PPP1R9A: variants seen among roughly 807,000 people sequenced by gnomAD.
The protein encoded by PPP1R9A is protein phosphatase 1 regulatory subunit 9A, also known as neurabin-1.
In PPP1R9A, 59 loss-of-function variants were observed where a neutral mutation model predicts 141.9. The observed-to-expected ratio is 0.42, with a 90% CI of 0.34 to 0.52. The LOEUF is 0.52. PPP1R9A is among the 20% of genes least tolerant of loss of function. The probability of loss-of-function intolerance (pLI) is 0.10; values close to 1 mark genes in which losing one functional copy is unlikely to be tolerated. For missense variants in PPP1R9A, 1,444 were observed against 1,611.9 expected, an observed-to-expected ratio of 0.90 and a Z score of 1.78; for synonymous variants, 500 against 569.7, an observed-to-expected ratio of 0.88 and a Z score of 1.74.
In PPP1R9A at chr7:95,084,021, A is replaced by T. The variant is rs541502820; in HGVS notation, c.1396-27238A>T. Among the ~76,000 whole-genome samples the T allele has an allele frequency of 2.6e-5, 4 of 152,210 alleles. No homozygotes were observed. In the South Asian group the frequency reaches 8.3e-4, roughly 32 times the overall value. ...AAATAAAGACGACAGCAGATTTCTT[A>T]TCAGGAATATTGTATGCTAGAAAAC... On this transcript the variant is annotated intron_variant, in intron 2 of 19. Coordinates refer to ENST00000433360, the MANE Select transcript of PPP1R9A (RefSeq NM_001166160.2).
chr7:94,986,074 T>C (rs1323581060), intron 2 of PPP1R9A, among the ~76,000 whole-genome samples: 2 of 152,128 alleles, frequency 1.3e-5, no homozygotes, highest in Non-Finnish European at 2.9e-5. Context: ...ATTTTGATGG[T>C]TGGGGAAAGT....
intron 2 of PPP1R9A, among the ~76,000 whole-genome samples, chr7:94,955,533 C>T (rs1796991253): frequency 6.6e-6 from 1 of 151,924 alleles, no homozygotes; most frequent in East Asian, 1.9e-4. Flanking sequence ...CTGTTCTGTT[C>T]TAAAAAAATG....
intron 16 of PPP1R9A, among the ~76,000 whole-genome samples, chr7:95,275,555 GT>G (rs1803015389): frequency 6.6e-6 from 1 of 151,396 alleles, no homozygotes; most frequent in Admixed American, 6.6e-5. Context: ...CTGTGTAGAT[GT>G]TTTTCCAACA....
At chr7:95,150,527 A>G (rs1396728057) in intron 4 of PPP1R9A, among the ~76,000 whole-genome samples, 1 of 151,772 alleles carries the variant, frequency 6.6e-6, no homozygotes, top group Non-Finnish European at 1.5e-5. Flanking sequence ...CTGATCTCGA[A>G]CTCCTGACCT....
At chr7:94,941,345 T>C (rs185145644) in intron 2 of PPP1R9A, among the ~76,000 whole-genome samples, 5 of 152,228 alleles carry the variant, frequency 3.3e-5, no homozygotes, top group South Asian at 2.1e-4. Context: ...CAGTAAGATA[T>C]GGAATTGTAT....
At chr7:95,012,595 T>A (rs1563118945) in intron 2 of PPP1R9A, among the ~76,000 whole-genome samples, 1 of 152,170 alleles carries the variant, frequency 6.6e-6, no homozygotes, top group Non-Finnish European at 1.5e-5. Context: ...AATAATTGGA[T>A]ATCCGTAAGA....
chr7:95,184,641 C>T (rs985113929), intron 5 of PPP1R9A, among the ~76,000 whole-genome samples: 2 of 152,102 alleles, frequency 1.3e-5, no homozygotes, highest in African/African-American at 4.8e-5. Context: ...TCCCAAGTCC[C>T]CATAGTCCCT....
Position 94,941,844 on chromosome 7 carries a change from AT to A in PPP1R9A, c.1395+30337del, listed in dbSNP as rs1409805261. The stretch of plus-strand genomic sequence containing the variant: ...AAATAGACAAGAGAATGAAAAAAAA[AT>A]CATTGAATTTTTAGAGAAACAATGT... On this transcript the variant is annotated intron_variant, in intron 2 of 19. Coordinates refer to ENST00000433360, the MANE Select transcript of PPP1R9A (RefSeq NM_001166160.2). Among the ~76,000 whole-genome samples the A allele has an allele frequency of 2.0e-5, 3 of 152,276 alleles. No individual in the cohort carries two copies. In the South Asian group the frequency reaches 6.2e-4, roughly 32 times the overall value.
intron 2 of PPP1R9A, among the ~76,000 whole-genome samples, chr7:94,993,440 G>T (rs1165813024): frequency 2.0e-5 from 3 of 152,132 alleles, no homozygotes; most frequent in Non-Finnish European, 2.9e-5. Flanking sequence ...AAAAGAGCCT[G>T]CTGGTATTTT....
intron 5 of PPP1R9A, among the ~76,000 whole-genome samples, chr7:95,182,561 A>G (rs952247073): frequency 6.6e-6 from 1 of 152,184 alleles, no homozygotes; most frequent in Non-Finnish European, 1.5e-5. Flanking sequence ...ACAAGGGGCA[A>G]TTGAGAATTT....
intron 5 of PPP1R9A, among the ~76,000 whole-genome samples, chr7:95,192,135 G>A (rs1835596436): frequency 6.6e-6 from 1 of 151,772 alleles, no homozygotes; most frequent in African/African-American, 2.4e-5. Context: ...TTTTCCTATG[G>A]TTGACTCATA....
At chr7:95,204,711 ACACACCACACT>A (rs1250777463) in intron 7 of PPP1R9A, among the ~76,000 whole-genome samples, 2 of 141,662 alleles carry the variant, frequency 1.4e-5, no homozygotes, top group African/African-American at 2.7e-5. Flanking sequence ...CACCACACAC[ACACACCACACT>A]CACACCACAC....
At chr7:95,166,006 A>T (rs1434913589) in intron 5 of PPP1R9A, among the ~76,000 whole-genome samples, 1 of 151,960 alleles carries the variant, frequency 6.6e-6, no homozygotes, top group Non-Finnish European at 1.5e-5. Flanking sequence ...AAAATTAGCC[A>T]GGTGTGGTGG....
intron 2 of PPP1R9A, among the ~76,000 whole-genome samples, chr7:94,967,446 G>A (rs998033389): frequency 6.6e-6 from 1 of 151,884 alleles, no homozygotes; most frequent in Non-Finnish European, 1.5e-5. Flanking sequence ...TTCTCTTGTG[G>A]GCATTTAGTG....
chr7:95,196,423 T>C (rs1164765877), intron 5 of PPP1R9A, among the ~76,000 whole-genome samples: 1 of 152,230 alleles, frequency 6.6e-6, no homozygotes, highest in Admixed American at 6.5e-5. Context: ...ACAATTTCTT[T>C]ATAAGTTAAT....
At chr7:94,967,648 TG>T (rs1798365142) in intron 2 of PPP1R9A, among the ~76,000 whole-genome samples, 1 of 152,036 alleles carries the variant, frequency 6.6e-6, no homozygotes, top group South Asian at 2.1e-4. Context: ...TCTTTTTTTT[TG>T]TTTTGAGGTG....
rs771744539 is a variant in PPP1R9A at position 95,195,444 on chromosome 7, CT to C, written c.1755-2889del. ...TACAGGTGCATGCCACCACACCTGG[CT>C]TTTTTTTTTTTTTTTAAGGGACGGG... On this transcript the variant is annotated intron_variant, in intron 5 of 19. Transcript: ENST00000433360. Among the ~76,000 whole-genome samples, 771 of 130,830 alleles carry C rather than the reference CT, an allele frequency of 5.9e-3. 1 individual carries two copies. The highest frequency in any genetic ancestry group is 8.0e-3 in the Middle Eastern group (2 of 250). The allele number at this position is 130,830 out of a possible 152,430, so 85.8% of individuals were successfully genotyped here.
chr7:95,067,935 A>G (rs977880242), intron 2 of PPP1R9A, among the ~76,000 whole-genome samples: 1 of 152,174 alleles, frequency 6.6e-6, no homozygotes, highest in East Asian at 1.9e-4. Flanking sequence ...AAAACTGGAT[A>G]TGTGGAAAAT....
rs911665284 is a variant in PPP1R9A at position 95,181,426 on chromosome 7, G to T, written c.1755-16923G>T. The stretch of plus-strand genomic sequence containing the variant: ...TATTCCATCATATATATAGAATATA[G>T]AGAATATATATATTCCATCATATAT... On this transcript the variant is annotated intron_variant, in intron 5 of 19. Coordinates refer to ENST00000433360, the MANE Select transcript of PPP1R9A (RefSeq NM_001166160.2). Among the ~76,000 whole-genome samples the T allele has an allele frequency of 2.8e-3, 378 of 132,960 alleles. 5 individuals are homozygous for T. Among genetic ancestry groups the T allele is most frequent in the African/African-American group, 0.01 (361 of 35,420 alleles). 87.2% of individuals were successfully genotyped at this position (132,960 alleles called of 152,430 possible). A position where few individuals can be genotyped will look rare whatever the true frequency, so the allele number is the denominator to read the frequency against.
Sources: allele counts gnomAD v4.1 joint callset (sites outside exome capture counted in the v4.1 genomes callset), GRCh38; gene constraint gnomAD v4.1.1; transcripts MANE v1.5; gene names NCBI Gene and HGNC (gene_info 2026-07-23, HGNC 2026-07-21).